IDH3B: variants seen among roughly 807,000 people sequenced by gnomAD.
The protein encoded by IDH3B is isocitrate dehydrogenase (NAD(+)) 3 non-catalytic subunit beta.
IDH3B carries 40 observed loss-of-function variants against 47.5 expected under a neutral mutation model. That is an observed-to-expected ratio of 0.84 (90% confidence interval 0.65 to 1.10). The LOEUF (loss-of-function observed/expected upper bound fraction) is 1.10. Ranked by LOEUF, IDH3B falls within the 50% of genes least tolerant of loss-of-function variation. The probability of loss-of-function intolerance (pLI) is 0.00; values close to 1 mark genes in which losing one functional copy is unlikely to be tolerated. For synonymous variants in IDH3B, 185 were observed against 191.0 expected, an observed-to-expected ratio of 0.97 and a Z score of 0.26; for missense variants, 450 against 505.2, an observed-to-expected ratio of 0.89 and a Z score of 1.05.
Position 2,659,086 on chromosome 20 carries a change from G to T in IDH3B, c.1072-249C>A, listed in dbSNP as rs533491166. 19 of 1,439,124 alleles carry T rather than the reference G, an allele frequency of 1.3e-5. No individual in the cohort carries two copies. In the Admixed American group the frequency reaches 5.4e-4, roughly 41 times the overall value. 89.1% of individuals were successfully genotyped at this position (1,439,124 alleles called of 1,614,324 possible). A position where few individuals can be genotyped will look rare whatever the true frequency, so the allele number is the denominator to read the frequency against. ...GCAGGCAAAGATGATGGGAAACGCAGATCAGAGGCAGGATGTGGCTACCTT... is the reference window on the plus strand; with the variant it reads ...GCAGGCAAAGATGATGGGAAACGCATATCAGAGGCAGGATGTGGCTACCTT... On this transcript the variant is annotated intron_variant, in intron 11 of 11. Transcript: ENST00000380843.
chr20:2,660,206 A>G lies in IDH3B; in HGVS notation c.769-30T>C. The G allele has an allele frequency of 6.2e-7, 1 of 1,614,030 alleles. No individual in the cohort carries two copies. ...AGGGTGAGATGCAGGCATGAAGTAA[A>G]TTCCACTCCCCACCCTCCTCCTCCG... is the stretch of plus-strand genomic sequence containing the variant. On this transcript the variant is annotated intron_variant, in intron 8 of 11. Coordinates refer to ENST00000380843, the MANE Select transcript of IDH3B (RefSeq NM_006899.5). This position sits in a 1 kb window ranked among gnomAD's most constrained non-coding sequence, Gnocchi z 5.6.
chr20:2,661,976 G>A (rs1268160122), intron 4 of IDH3B, among the ~76,000 whole-genome samples: 3 of 152,154 alleles, frequency 2.0e-5, no homozygotes, highest in East Asian at 1.9e-4. Context: ...ATGATACCGA[G>A]ACAGAGAGGG....
chr20:2,661,879 T>A (rs1301163077), intron 4 of IDH3B, among the ~76,000 whole-genome samples: 3 of 152,194 alleles, frequency 2.0e-5, no homozygotes, highest in Non-Finnish European at 1.5e-5. Flanking sequence ...GTGACCTTAT[T>A]TGGGAAAAGA....
In IDH3B at chr20:2,663,561, G is replaced by A. The variant is rs745712607; in HGVS notation, c.222C>T (p.Ala74=). 16 of 1,614,012 alleles carry A rather than the reference G, an allele frequency of 9.9e-6. No individual in the cohort carries two copies. Among genetic ancestry groups the A allele is most frequent in the South Asian group, 5.5e-5 (5 of 91,082 alleles). The change falls in exon 4 of 12, where the codon GCC becomes GCT. Residue 74 remains alanine, a synonymous_variant. Coordinates refer to ENST00000380843, the MANE Select transcript of IDH3B (RefSeq NM_006899.5). ...GCTCCTGGAACTCCACTGGGACAGC[G>A]GCAGCCTTCAGAGACAGGTTCCCAA... ...MHAVKEVFKA[A]AVPVEFQEHH... is the part of the protein sequence containing the mutation.
In IDH3B at chr20:2,660,590, T is replaced by C. The variant is rs2086927107; in HGVS notation, c.532A>G (p.Ser178Gly). 4 of 1,614,064 alleles carry C rather than the reference T, an allele frequency of 2.5e-6. No individual in the cohort carries two copies. ...EGEYSSLEHE[S>G]ARGVIECLKI... ...AAACACTCAATCACACCCCTTGCAC[T>C]CTGGGTAAGAAGAAAGCAGCAGCTA... The change falls in exon 7 of 12, where the codon AGT (serine) becomes GGT (glycine). Residue 178 changes from serine (S) to glycine (G), a missense_variant and splice_region_variant. Ser to Gly is a moderately conservative substitution (Grantham distance 56). Coordinates refer to ENST00000380843, the MANE Select transcript of IDH3B (RefSeq NM_006899.5). The surrounding 1 kb of genome is among the most constrained non-coding windows in gnomAD (Gnocchi z 5.6).
chr20:2,659,229 C>G, intron 11 of IDH3B: 1 of 1,441,774 alleles, frequency 6.9e-7, no homozygotes, highest in Non-Finnish European at 9.1e-7. Context: ...GTTCCACCCC[C>G]AAGGAGAGCT....
rs772268475 is a variant in IDH3B at position 2,658,799 on chromosome 20, G to C, written c.1110C>G (p.Thr370=). 1.2e-6 allele frequency: 2 copies of C among 1,614,176 alleles called. No homozygotes were observed. Among genetic ancestry groups the C allele is most frequent in the South Asian group, 1.1e-5 (1 of 91,086 alleles). ...TRDMGGYSTT[T]DFIKSVIGHL... is the part of the protein sequence containing the mutation. ...GACCGATGACAGACTTGATGAAGTC[G>C]GTTGTGGTGCTGTAGCCGCCCATGT... Residue 370 remains threonine (T), a synonymous_variant, in exon 12 of 12, where the codon ACC becomes ACG. Transcript: ENST00000380843.
chr20:2,663,308 G>A (rs1431599099), intron 4 of IDH3B, 138 bp downstream of exon 4: 34 of 1,085,060 alleles, frequency 3.1e-5, no homozygotes, highest in Non-Finnish European at 4.6e-5. Flanking sequence ...CCAATGGGAA[G>A]GAACAAATGT....
chr20:2,658,929 G>A, intron 11 of IDH3B, 92 bp from the exon 12 acceptor site: 1 of 1,584,190 alleles, frequency 6.3e-7, no homozygotes, highest in South Asian at 1.1e-5. Flanking sequence ...TGGAAGCCAA[G>A]AATGCGTGAC....
rs3180298 is a variant in IDH3B, at chr20:2,659,522, C to T, written c.1071+3G>A. 1.9e-6 allele frequency: 3 copies of T among 1,614,146 alleles called. No homozygotes were observed. Among genetic ancestry groups the T allele is most frequent in the Non-Finnish European group, 1.7e-6 (2 of 1,179,958 alleles). On this transcript the variant is annotated splice_donor_region_variant and intron_variant, in intron 11 of 11. Coordinates refer to ENST00000380843, the MANE Select transcript of IDH3B (RefSeq NM_006899.5). ...GAAGCCAGCACTACTCTTCTCAACT[C>T]ACCTTGCCAACTTTGATCACCTTCT...
Position 2,658,454 on chromosome 20 carries a change from C to T in IDH3B, c.*297G>A. Reference sequence around the variant, plus strand: ...GTATGGACAGGGCCTATGGGTGGGGCAAGGCAGCAATGACAGCCTCAGTGA... The same window carrying T: ...GTATGGACAGGGCCTATGGGTGGGGTAAGGCAGCAATGACAGCCTCAGTGA... On this transcript the variant is annotated 3_prime_UTR_variant, in exon 12 of 12. Coordinates refer to ENST00000380843, the MANE Select transcript of IDH3B (RefSeq NM_006899.5). The T allele has an allele frequency of 6.2e-7, 1 of 1,614,074 alleles. No homozygotes were observed. The highest frequency in any genetic ancestry group is 8.5e-7 in the Non-Finnish European group (1 of 1,179,976).
rs371990615 is a variant in IDH3B at position 2,659,621 on chromosome 20, C to T, written c.1011-36G>A. ...GGACAGGAAGAAACTGTGACTCCCC[C>T]AAGACACCTCCCGCTAATTTCCCCA... On this transcript the variant is annotated intron_variant, in intron 10 of 11. Coordinates refer to ENST00000380843, the MANE Select transcript of IDH3B (RefSeq NM_006899.5). The T allele has an allele frequency of 5.0e-5, 81 of 1,611,762 alleles. 1 individual carries two copies. Among genetic ancestry groups the T allele is most frequent in the Admixed American group, 5.0e-4 (30 of 60,024 alleles).
chr20:2,661,915 G>A (rs2146314785), intron 4 of IDH3B, among the ~76,000 whole-genome samples: 1 of 152,310 alleles, frequency 6.6e-6, no homozygotes, highest in Admixed American at 6.5e-5. Context: ...ATTAAGTTAA[G>A]GATCTTGAGA....
rs760184299 is a variant in IDH3B, at chr20:2,660,417, C to G, written c.665+40G>C. On this transcript the variant is annotated intron_variant, in intron 7 of 11. Transcript: ENST00000380843. The surrounding 1 kb of genome is among the most constrained non-coding windows in gnomAD (Gnocchi z 5.6). ...TCAGCCAAGAAAGTACAGGGGCTAC[C>G]TTCCCAGGAACCCATCCTACACAAA... is the stretch of plus-strand genomic sequence containing the variant. 1.1e-5 allele frequency: 18 copies of G among 1,613,978 alleles called. No homozygotes were observed. Among genetic ancestry groups the G allele is most frequent in the Non-Finnish European group, 1.5e-5 (18 of 1,180,026 alleles).
At chr20:2,662,768 C>T (rs6050986) in intron 4 of IDH3B, among the ~76,000 whole-genome samples, 24,916 of 152,148 alleles carry the variant, frequency 0.16, 2,254 homozygotes, top group Admixed American at 0.24. Context: ...GCCTGACCAA[C>T]ATGGTGAAAC....
chr20:2,658,822 T>C lies in IDH3B; in HGVS notation c.1087A>G (p.Met363Val), dbSNP rs2086874099. 8.1e-6 allele frequency: 13 copies of C among 1,614,088 alleles called. No individual in the cohort carries two copies. The highest frequency in any genetic ancestry group is 2.2e-5 in the East Asian group (1 of 44,876). Reference protein sequence around the residue: ...IKVGKVRTRDMGGYSTTTDFI... With the variant: ...IKVGKVRTRDVGGYSTTTDFI... ...TCGGTTGTGGTGCTGTAGCCGCCCA[T>C]GTCTCGAGTCCGCACCTACAGCCAC... The change falls in exon 12 of 12, where the codon ATG (methionine) becomes GTG (valine). Residue 363 changes from methionine to valine, a missense_variant. Physicochemically the swap from Met to Val is conservative, Grantham distance 21. Coordinates refer to ENST00000380843, the MANE Select transcript of IDH3B (RefSeq NM_006899.5).
At chr20:2,663,895 A>C (rs1213523065) in intron 2 of IDH3B, 30 bp downstream of exon 2, 2 of 1,610,858 alleles carry the variant, frequency 1.2e-6, no homozygotes, top group African/African-American at 2.7e-5. Flanking sequence ...ACAGGGTCGT[A>C]AGAGAGACCC....
At position 2,660,136 on chromosome 20, in the gene IDH3B, G is replaced by A. The variant is rs2086914459; in HGVS notation, c.809C>T (p.Pro270Leu). 1 of 1,614,064 alleles carries A rather than the reference G, an allele frequency of 6.2e-7. No individual in the cohort carries two copies. Among genetic ancestry groups the A allele is most frequent in the South Asian group, 1.1e-5 (1 of 91,082 alleles). ...NPYQFDVLVM[P>L]NLYGNIIDNL... ...GTCAATAATGTTCCCATAGAGATTG[G>A]GCATCACAAGCACATCAAACTGGTA... The change falls in exon 9 of 12, where the codon CCC becomes CTC. Residue 270 changes from proline (P) to leucine (L), a missense_variant. By Grantham distance (98) the Pro-to-Leu change is moderately conservative. Transcript: ENST00000380843. This position sits in a 1 kb window ranked among gnomAD's most constrained non-coding sequence, Gnocchi z 5.6.
chr20:2,662,265 T>C (rs777911922), intron 4 of IDH3B, among the ~76,000 whole-genome samples: 18 of 152,136 alleles, frequency 1.2e-4, no homozygotes, highest in Non-Finnish European at 2.4e-4. Context: ...AAGAACGTTC[T>C]GGGTGGAGGG....
Sources: allele counts gnomAD v4.1 joint callset (sites outside exome capture counted in the v4.1 genomes callset), GRCh38; gene constraint gnomAD v4.1.1; non-coding constraint Gnocchi (gnomAD v3.1); transcripts MANE v1.5; gene names NCBI Gene and HGNC (gene_info 2026-07-23, HGNC 2026-07-21).